Variants in AGBL4 observed in about 807,000 individuals in gnomAD.
AGBL4 encodes the protein cytosolic carboxypeptidase 6.
In AGBL4, 58 loss-of-function variants were observed where a neutral mutation model predicts 66.4. The ratio of observed to expected loss-of-function variants is 0.87; its 90% CI spans 0.71 to 1.09. AGBL4 has a LOEUF of 1.09. AGBL4 is among the 50% of genes least tolerant of loss of function. The pLI is 0.00. For missense variants in AGBL4, 579 were observed against 631.0 expected, an observed-to-expected ratio of 0.92 and a Z score of 0.88; for synonymous variants, 234 against 222.9, an observed-to-expected ratio of 1.05 and a Z score of -0.44.
chr1:49,747,746 T>C (rs753736816), intron 2 of AGBL4, among the ~76,000 whole-genome samples: 2 of 152,186 alleles, frequency 1.3e-5, no homozygotes, highest in Non-Finnish European at 2.9e-5. Flanking sequence ...AGGATGGAGA[T>C]ATCGACTGAT....
At chr1:49,035,223 G>T (rs1664541758) in intron 5 of AGBL4, among the ~76,000 whole-genome samples, 1 of 152,066 alleles carries the variant, frequency 6.6e-6, no homozygotes, top group Non-Finnish European at 1.5e-5. Context: ...AGAGGAAACT[G>T]GGTGAAGGTG....
At chr1:48,807,222 T>A (rs769903338) in intron 6 of AGBL4, among the ~76,000 whole-genome samples, 1 of 152,186 alleles carries the variant, frequency 6.6e-6, no homozygotes, top group Non-Finnish European at 1.5e-5. Flanking sequence ...TTTTTGAGCA[T>A]CCTGACTGTG....
At chr1:49,415,220 T>C (rs1446577572) in intron 3 of AGBL4, among the ~76,000 whole-genome samples, 3 of 152,148 alleles carry the variant, frequency 2.0e-5, no homozygotes, top group Non-Finnish European at 2.9e-5. Context: ...TAGAATTATT[T>C]TTGTCTTTAT....
At chr1:48,691,715 A>T (rs1032334694) in intron 6 of AGBL4, among the ~76,000 whole-genome samples, 2 of 152,206 alleles carry the variant, frequency 1.3e-5, no homozygotes, top group Non-Finnish European at 2.9e-5. Context: ...TCTTCACACC[A>T]GCCCTCTAAA....
intron 3 of AGBL4, among the ~76,000 whole-genome samples, chr1:49,599,150 A>G (rs1042502242): frequency 2.0e-5 from 3 of 152,096 alleles, no homozygotes; most frequent in African/African-American, 2.4e-5. Context: ...CTCTTGTTCT[A>G]TTGTTTCAAA....
chr1:48,732,964 G>A (rs1648390789), intron 6 of AGBL4, among the ~76,000 whole-genome samples: 1 of 152,188 alleles, frequency 6.6e-6, no homozygotes, highest in Non-Finnish European at 1.5e-5. Flanking sequence ...GTCAAACAGT[G>A]CCAGTGAGAC....
At chr1:49,051,600 C>A (rs1240880417) in intron 4 of AGBL4, among the ~76,000 whole-genome samples, 5 of 152,112 alleles carry the variant, frequency 3.3e-5, no homozygotes, top group East Asian at 3.9e-4. Flanking sequence ...CTGGAACAAC[C>A]AAGGCTATCA....
chr1:48,708,182 A>G (rs895552579), intron 6 of AGBL4, among the ~76,000 whole-genome samples: 3 of 152,144 alleles, frequency 2.0e-5, no homozygotes, highest in African/African-American at 7.2e-5. Context: ...TTGGTGGGAA[A>G]ACTGCCTGGA....
chr1:48,534,123 C>A lies in AGBL4; in HGVS notation c.*50G>T, dbSNP rs1643932039. 1.3e-6 allele frequency: 2 copies of A among 1,551,024 alleles called. No homozygotes were observed. Among genetic ancestry groups the A allele is most frequent in the Non-Finnish European group, 8.7e-7 (1 of 1,146,502 alleles). On this transcript the variant is annotated 3_prime_UTR_variant, in exon 14 of 14. Transcript: ENST00000371839. ...AAGAGTGATTAATTTCATTCCCCAG[C>A]AGAAAATGCATGCTCCTGTCCCCAT... is the stretch of plus-strand genomic sequence containing the variant.
In AGBL4 at chr1:48,776,929, T is replaced by TG. The variant is rs542629590; in HGVS notation, c.634+90261dup. Reference sequence around the variant, plus strand: ...GGGGGCGCGAGTCTCGCTACGGTGCTGGGGGGGGCGGGGGCGGCTCCCCAG... The same window carrying TG: ...GGGGGCGCGAGTCTCGCTACGGTGCTGGGGGGGGGCGGGGGCGGCTCCCCAG... On this transcript the variant is annotated intron_variant, in intron 6 of 13. Transcript: ENST00000371839. 874 of 122,020 alleles carry TG rather than the reference T, an allele frequency of 7.2e-3. 4 individuals carry two copies. The highest frequency in any genetic ancestry group is 0.035 in the South Asian group (309 of 8,800). The allele number at this position is 122,020 out of a possible 1,614,324, so 7.6% of individuals were successfully genotyped here.
intron 4 of AGBL4, among the ~76,000 whole-genome samples, chr1:49,159,078 G>T (rs558407364): frequency 6.9e-4 from 104 of 151,546 alleles, no homozygotes; most frequent in African/African-American, 2.4e-3. Flanking sequence ...AGTTAATATT[G>T]TTATGTGTGA....
intron 2 of AGBL4, among the ~76,000 whole-genome samples, chr1:49,801,779 C>G (rs1291793790): frequency 6.6e-6 from 1 of 152,106 alleles, no homozygotes; most frequent in Admixed American, 6.6e-5. Context: ...ATAAAACAGG[C>G]AATTTCTTAA....
intron 3 of AGBL4, among the ~76,000 whole-genome samples, chr1:49,655,442 T>A (rs897183366): frequency 1.3e-5 from 2 of 152,306 alleles, no homozygotes; most frequent in Middle Eastern, 6.8e-3. Flanking sequence ...GAGTAGTATC[T>A]TTGTGGCATT....
intron 6 of AGBL4, among the ~76,000 whole-genome samples, chr1:48,723,705 TAACAA>T (rs1206796676): frequency 6.6e-6 from 1 of 152,184 alleles, no homozygotes; most frequent in Non-Finnish European, 1.5e-5. Context: ...AAAGAAAATA[TAACAA>T]GGGTGCTATT....
chr1:49,389,241 AT>A (rs879502431), intron 3 of AGBL4, among the ~76,000 whole-genome samples: 31 of 149,656 alleles, frequency 2.1e-4, no homozygotes, highest in African/African-American at 5.1e-4. Flanking sequence ...TCTGCCATCA[AT>A]TTTTTTTTTA....
At chr1:49,100,852 CCTTT>C (rs1645188314) in intron 4 of AGBL4, among the ~76,000 whole-genome samples, 1 of 152,188 alleles carries the variant, frequency 6.6e-6, no homozygotes, top group Non-Finnish European at 1.5e-5. Flanking sequence ...TAATTTATCT[CCTTT>C]CTTTCTAGTA....
intron 11 of AGBL4, among the ~76,000 whole-genome samples, chr1:48,547,620 G>T (rs1046777366): frequency 1.2e-4 from 19 of 152,184 alleles, no homozygotes; most frequent in Non-Finnish European, 4.4e-5. Flanking sequence ...AATGGGAATT[G>T]TTTCTGAATT....
intron 8 of AGBL4, among the ~76,000 whole-genome samples, chr1:48,646,934 C>T (rs1216791134): frequency 1.3e-5 from 2 of 152,268 alleles, no homozygotes; most frequent in Middle Eastern, 3.4e-3. Flanking sequence ...TTGTATCTCT[C>T]AGCCTCTACT....
At chr1:48,931,304 A>T (rs1262381967) in intron 5 of AGBL4, among the ~76,000 whole-genome samples, 1 of 152,216 alleles carries the variant, frequency 6.6e-6, no homozygotes, top group African/African-American at 2.4e-5. Flanking sequence ...TGGGAGCTAG[A>T]CAAATTCTTT....
Sources: allele counts gnomAD v4.1 joint callset (sites outside exome capture counted in the v4.1 genomes callset), GRCh38; gene constraint gnomAD v4.1.1; transcripts MANE v1.5; gene names NCBI Gene and HGNC (gene_info 2026-07-23, HGNC 2026-07-21).